KCNJ6: variants seen among roughly 807,000 people sequenced by gnomAD.
The protein encoded by KCNJ6 is G protein-activated inward rectifier potassium channel 2.
Under a neutral mutation model 34.2 loss-of-function variants are expected in KCNJ6, and 9 were observed. That is an observed-to-expected ratio of 0.26 (90% CI 0.16 to 0.46). KCNJ6 has a LOEUF of 0.46. KCNJ6 is among the 20% of genes least tolerant of loss of function. KCNJ6 has a pLI of 1.00. For missense variants in KCNJ6, 236 were observed against 531.3 expected, an observed-to-expected ratio of 0.44 and a Z score of 5.46; for synonymous variants, 196 against 207.1, an observed-to-expected ratio of 0.95 and a Z score of 0.46.
chr21:37,867,757 A>G (rs776010729), intron 1 of KCNJ6, among the ~76,000 whole-genome samples: 1 of 152,248 alleles, frequency 6.6e-6, no homozygotes, highest in Admixed American at 6.5e-5. Flanking sequence ...CGGTAAATAT[A>G]TTACCACAAC....
rs993976499 is a variant in KCNJ6, at chr21:37,612,963, G to A, written c.*12196C>T. ...GCTGAACTTCAGTAAAATTAAAAGC[G>A]TCTGCTCTGAAAAAGACAAGGTCAA... On this transcript the variant is annotated 3_prime_UTR_variant, in exon 4 of 4. Coordinates refer to ENST00000609713, the MANE Select transcript of KCNJ6 (RefSeq NM_002240.5). 7.2e-5 allele frequency: 11 copies of A among 152,174 alleles called. No individual in the cohort carries two copies. Among genetic ancestry groups the A allele is most frequent in the Middle Eastern group, 3.4e-3 (1 of 294 alleles). The allele number at this position is 152,174 out of a possible 1,614,324, so 9.4% of individuals were successfully genotyped here.
intron 3 of KCNJ6, among the ~76,000 whole-genome samples, chr21:37,633,282 T>C (rs112881807): frequency 0.013 from 1,925 of 152,278 alleles, 24 homozygotes; most frequent in South Asian, 0.028. Context: ...AAACCACTTA[T>C]GATGAAACTT....
intron 1 of KCNJ6, among the ~76,000 whole-genome samples, chr21:37,848,080 G>A (rs1036149299): frequency 6.6e-6 from 1 of 152,170 alleles, no homozygotes; most frequent in Non-Finnish European, 1.5e-5. Flanking sequence ...AGCCCTGGAG[G>A]TCCCTGGAGG....
At chr21:37,749,549 G>A (rs1001788315) in intron 2 of KCNJ6, among the ~76,000 whole-genome samples, 1 of 152,210 alleles carries the variant, frequency 6.6e-6, no homozygotes, top group African/African-American at 2.4e-5. Context: ...TGGAGACAAA[G>A]TGCCTATGTT....
At position 37,661,030 on chromosome 21, in the gene KCNJ6, A is replaced by G. The variant is rs1008304733; in HGVS notation, c.947-35546T>C. ...ACTTTCATGATCTTTTGGCCAAAAT[A>G]CAATTGAATATTGTAAATCCATATT... On this transcript the variant is annotated intron_variant, in intron 3 of 3. Coordinates refer to ENST00000609713, the MANE Select transcript of KCNJ6 (RefSeq NM_002240.5). 1.6e-4 allele frequency among the ~76,000 whole-genome samples: 25 copies of G among 152,268 alleles called. 1 individual carries two copies. Among genetic ancestry groups the G allele is most frequent in the Admixed American group, 7.2e-4 (11 of 15,290 alleles).
At position 37,876,701 on chromosome 21, in the gene KCNJ6, C is replaced by T. The variant is rs1486999109; in HGVS notation, c.-27-35992G>A. 2.6e-5 allele frequency among the ~76,000 whole-genome samples: 4 copies of T among 151,240 alleles called. No homozygotes were observed. The East Asian group carries it at 7.8e-4, about 29-fold the overall frequency. ...GTCTTTAGGTTGAGAGTTGAACAAACAGGCTCACTATGAAACATACGTGGG... is the reference window on the plus strand; with the variant it reads ...GTCTTTAGGTTGAGAGTTGAACAAATAGGCTCACTATGAAACATACGTGGG... On this transcript the variant is annotated intron_variant, in intron 1 of 3. Coordinates refer to ENST00000609713, the MANE Select transcript of KCNJ6 (RefSeq NM_002240.5).
At chr21:37,653,634 T>C (rs1313214776) in intron 3 of KCNJ6, among the ~76,000 whole-genome samples, 1 of 152,232 alleles carries the variant, frequency 6.6e-6, no homozygotes, top group African/African-American at 2.4e-5. Flanking sequence ...CCACAGTGCA[T>C]GGTATTACAG....
chr21:37,712,461 C>T (rs857951), intron 3 of KCNJ6, among the ~76,000 whole-genome samples: 1,520 of 105,258 alleles, frequency 0.014, 35 homozygotes, highest in East Asian at 0.049. Context: ...AGCCTCCCCT[C>T]CTCCTCTCTC....
At chr21:37,849,204 G>A (rs1401061746) in intron 1 of KCNJ6, among the ~76,000 whole-genome samples, 5 of 152,134 alleles carry the variant, frequency 3.3e-5, no homozygotes, top group Admixed American at 1.3e-4. Flanking sequence ...CCTATTCTAG[G>A]TTTGGTCCCT....
At chr21:37,842,300 G>A (rs1357797324) in intron 1 of KCNJ6, among the ~76,000 whole-genome samples, 1 of 152,138 alleles carries the variant, frequency 6.6e-6, no homozygotes, top group African/African-American at 2.4e-5. Context: ...CCACGGCCCT[G>A]GTACAATGCT....
intron 1 of KCNJ6, among the ~76,000 whole-genome samples, chr21:37,882,361 T>C (rs1403710579): frequency 6.6e-6 from 1 of 152,172 alleles, no homozygotes; most frequent in African/African-American, 2.4e-5. Flanking sequence ...GCTGCTCTAT[T>C]AAAGTTTAGT....
intron 2 of KCNJ6, among the ~76,000 whole-genome samples, chr21:37,722,987 G>A (rs920363055): frequency 3.9e-5 from 6 of 152,136 alleles, no homozygotes; most frequent in African/African-American, 1.4e-4. Context: ...ACTATCAACA[G>A]GGTAAACAGA....
rs916188798 is a variant in KCNJ6, at chr21:37,665,757, C to T, written c.947-40273G>A. On this transcript the variant is annotated intron_variant, in intron 3 of 3. Transcript: ENST00000609713. ...ATCACAGACAATTTTTGTAGCCGAGCGTTGCTGCTGTTTAGTAATTCAAAG... is the reference window on the plus strand; with the variant it reads ...ATCACAGACAATTTTTGTAGCCGAGTGTTGCTGCTGTTTAGTAATTCAAAG... Among the ~76,000 whole-genome samples the T allele has an allele frequency of 1.2e-3, 181 of 152,340 alleles. 1 individual carries two copies. Among genetic ancestry groups the T allele is most frequent in the East Asian group, 7.7e-4 (4 of 5,182 alleles).
At chr21:37,796,880 G>A (rs1249349011) in intron 2 of KCNJ6, among the ~76,000 whole-genome samples, 6 of 131,122 alleles carry the variant, frequency 4.6e-5, no homozygotes, top group Admixed American at 9.1e-5. Context: ...TGCAAGCTCC[G>A]CTTCCCGGGT....
At chr21:37,832,185 C>T (rs1269676468) in intron 2 of KCNJ6, among the ~76,000 whole-genome samples, 1 of 151,990 alleles carries the variant, frequency 6.6e-6, no homozygotes, top group South Asian at 2.1e-4. Context: ...AGTCAAGTTA[C>T]TTTTGAGATG....
chr21:37,909,172 A>C (rs2055855463), intron 1 of KCNJ6, among the ~76,000 whole-genome samples: 1 of 152,162 alleles, frequency 6.6e-6, no homozygotes, highest in Non-Finnish European at 1.5e-5. Flanking sequence ...GGCATCAACC[A>C]ATTAGATTTA....
At chr21:37,672,412 G>A (rs1056460199) in intron 3 of KCNJ6, among the ~76,000 whole-genome samples, 7 of 151,980 alleles carry the variant, frequency 4.6e-5, no homozygotes, top group Non-Finnish European at 1.0e-4. Flanking sequence ...GGGAAAGCAG[G>A]AGACCTGGAG....
At chr21:37,900,636 C>T (rs1015522581) in intron 1 of KCNJ6, among the ~76,000 whole-genome samples, 18 of 152,002 alleles carry the variant, frequency 1.2e-4, no homozygotes, top group Admixed American at 1.0e-3. Flanking sequence ...GGAATGAAGG[C>T]GCTTGCTGAG....
intron 2 of KCNJ6, among the ~76,000 whole-genome samples, chr21:37,805,667 C>T (rs1184592072): frequency 2.0e-5 from 3 of 151,980 alleles, no homozygotes; most frequent in Non-Finnish European, 4.4e-5. Context: ...AAGATGAGTT[C>T]GGACTAGATT....
Sources: gnomAD v4.1 joint callset for allele counts (sites outside exome capture counted in the v4.1 genomes callset) on GRCh38, gnomAD v4.1.1 for gene constraint, MANE v1.5 for transcripts, NCBI Gene and HGNC (gene_info 2026-07-23, HGNC 2026-07-21) for gene names.